C1orf56: variants seen among roughly 807,000 people sequenced by gnomAD.
C1orf56 encodes chromosome 1 open reading frame 56, also known as protein MENT.
C1orf56 carries 14 observed loss-of-function variants against 20.7 expected under a neutral mutation model. That is an observed-to-expected ratio of 0.68 (90% CI 0.45 to 1.06). The LOEUF (loss-of-function observed/expected upper bound fraction) is 1.06, where lower values mean the gene tolerates loss of function less well. Ranked by LOEUF, C1orf56 falls within the 50% of genes least tolerant of loss-of-function variation. The pLI, the probability that C1orf56 is intolerant of heterozygous loss-of-function variation, is 0.00. For missense variants in C1orf56, 424 were observed against 451.4 expected (o/e 0.94, Z 0.55); for synonymous variants, 187 against 194.7 (o/e 0.96, Z 0.33).
In C1orf56 at chr1:151,048,365, G is replaced by C. The variant is rs1228170799; in HGVS notation, c.518G>C (p.Ser173Thr). 2 of 1,613,526 alleles carry C rather than the reference G, an allele frequency of 1.2e-6. No homozygotes were observed. Among genetic ancestry groups the C allele is most frequent in the Non-Finnish European group, 1.7e-6 (2 of 1,179,968 alleles). ...EDLPGSQATLSQWSTPGSTPS... is the reference protein window; with the variant it reads ...EDLPGSQATLTQWSTPGSTPS... ...CTGCCAGGCTCGCAGGCCACCCTGA[G>C]CCAGTGGTCCACACCTGGGTCTACC... is the stretch of plus-strand genomic sequence containing the variant. Residue 173 changes from serine to threonine, a missense_variant, in exon 1 of 2, where the codon AGC (serine) becomes ACC (threonine). Physicochemically the swap from Ser to Thr is moderately conservative, Grantham distance 58 (BLOSUM62 1). Transcript: ENST00000368926. This position sits in a 1 kb window ranked among gnomAD's most constrained non-coding sequence, Gnocchi z 4.8.
chr1:151,048,266 T>C lies in C1orf56; in HGVS notation c.419T>C (p.Ile140Thr). 1 of 1,614,216 alleles carries C rather than the reference T, an allele frequency of 6.2e-7. No individual in the cohort carries two copies. Among genetic ancestry groups the C allele is most frequent in the Non-Finnish European group, 8.5e-7 (1 of 1,180,034 alleles). ...GCGGGGAGTTCCAGCACGAGGTTTA[T>C]AGCCAATAGTCAGGAGCCTGAAATC... ...NTAGSSSTRF[I>T]ANSQEPEIRL... The change falls in exon 1 of 2, where the codon ATA becomes ACA. Residue 140 changes from isoleucine (I) to threonine (T), a missense_variant. By Grantham distance (89) the Ile-to-Thr change is moderately conservative. Transcript: ENST00000368926. This position sits in a 1 kb window ranked among gnomAD's most constrained non-coding sequence, Gnocchi z 4.8.
chr1:151,050,391 G>C, intron 1 of C1orf56, 47 bp from the exon 2 acceptor site: 2 of 1,581,400 alleles, frequency 1.3e-6, no homozygotes, highest in Non-Finnish European at 8.6e-7. Flanking sequence ...AAAGAATATA[G>C]ATGTGGTTGT....
At position 151,048,990 on chromosome 1, in the gene C1orf56, AT is replaced by A; in HGVS notation, c.1005+140del. The A allele has an allele frequency of 7.7e-7, 1 of 1,292,930 alleles. No homozygotes were observed. Among genetic ancestry groups the A allele is most frequent in the East Asian group, 2.6e-5 (1 of 39,072 alleles). 80.1% of individuals were successfully genotyped at this position (1,292,930 alleles called of 1,614,324 possible). ...ACCTGGTTATTGATTCATAACATGC[AT>A]TGGTTATTCACATTGTTAGCCATTG... On this transcript the variant is annotated intron_variant, in intron 1 of 1. Coordinates refer to ENST00000368926, the MANE Select transcript of C1orf56 (RefSeq NM_017860.5). The surrounding 1 kb of genome is among the most constrained non-coding windows in gnomAD (Gnocchi z 4.8).
Position 151,048,902 on chromosome 1 carries a change from C to G in C1orf56, c.1005+50C>G, listed in dbSNP as rs1423676873. 1.3e-6 allele frequency: 2 copies of G among 1,508,786 alleles called. No homozygotes were observed. Among genetic ancestry groups the G allele is most frequent in the South Asian group, 2.7e-5 (2 of 73,914 alleles). 93.5% of individuals were successfully genotyped at this position (1,508,786 alleles called of 1,614,324 possible). ...GTCTTTGTTGACGGATCTGAAAAGTCCTGGTATCTAAAACCCAGTTGCTAA... is the reference window on the plus strand; with the variant it reads ...GTCTTTGTTGACGGATCTGAAAAGTGCTGGTATCTAAAACCCAGTTGCTAA... On this transcript the variant is annotated intron_variant, in intron 1 of 1. Transcript: ENST00000368926. This position sits in a 1 kb window ranked among gnomAD's most constrained non-coding sequence, Gnocchi z 4.8.
At position 151,048,403 on chromosome 1, in the gene C1orf56, C is replaced by A; in HGVS notation, c.556C>A (p.Pro186Thr). Residue 186 changes from proline to threonine, a missense_variant, in exon 1 of 2, where the codon CCG (proline) becomes ACG (threonine). Coordinates refer to ENST00000368926, the MANE Select transcript of C1orf56 (RefSeq NM_017860.5). The surrounding 1 kb of genome is among the most constrained non-coding windows in gnomAD (Gnocchi z 4.8). ...ACCTGGGTCTACCCCGAGCCGGTGGCCGTCACCCTCACCCACAGCCATGCC... is the reference window on the plus strand; with the variant it reads ...ACCTGGGTCTACCCCGAGCCGGTGGACGTCACCCTCACCCACAGCCATGCC... ...STPGSTPSRWPSPSPTAMPSP... is the reference protein window; with the variant it reads ...STPGSTPSRWTSPSPTAMPSP... The A allele has an allele frequency of 1.2e-6, 2 of 1,611,336 alleles. No homozygotes were observed. The highest frequency in any genetic ancestry group is 1.7e-6 in the Non-Finnish European group (2 of 1,179,960).
chr1:151,049,428 C>CT (rs1408411602), intron 1 of C1orf56, among the ~76,000 whole-genome samples: 1 of 151,716 alleles, frequency 6.6e-6, no homozygotes, highest in African/African-American at 2.4e-5. Flanking sequence ...TGGAAATTCT[C>CT]TGTTTTTTTC....
rs928692856 is a variant in C1orf56 at position 151,050,797 on chromosome 1, G to A, written c.*339G>A. On this transcript the variant is annotated 3_prime_UTR_variant, in exon 2 of 2. Transcript: ENST00000368926. The stretch of plus-strand genomic sequence containing the variant: ...CTCAAATAAACGCTAAGAAAAGGGA[G>A]TAGGAAGAACAAGGAGTTGAGCCCT... The A allele has an allele frequency of 1.8e-5, 4 of 217,066 alleles. No homozygotes were observed. Among genetic ancestry groups the A allele is most frequent in the Admixed American group, 1.1e-4 (2 of 17,878 alleles). 13.4% of individuals were successfully genotyped at this position (217,066 alleles called of 1,614,324 possible).
Position 151,048,234 on chromosome 1 carries a change from C to T in C1orf56, c.387C>T (p.Pro129=). The change falls in exon 1 of 2, where the codon CCC becomes CCT. Residue 129 remains proline, a synonymous_variant. Coordinates refer to ENST00000368926, the MANE Select transcript of C1orf56 (RefSeq NM_017860.5). The surrounding 1 kb of genome is among the most constrained non-coding windows in gnomAD (Gnocchi z 4.8). ...GCAGAGAGCTTCCCAGTGCGACTCC[C>T]AATACAGCGGGGAGTTCCAGCACGA... ...STSRELPSAT[P]NTAGSSSTRF... 1 of 1,614,218 alleles carries T rather than the reference C, an allele frequency of 6.2e-7. No homozygotes were observed. Among genetic ancestry groups the T allele is most frequent in the Non-Finnish European group, 8.5e-7 (1 of 1,180,042 alleles).
Position 151,048,206 on chromosome 1 carries a change from C to G in C1orf56, c.359C>G (p.Thr120Ser). ...GVVINAGKDS[T>S]SRELPSATPN... The stretch of plus-strand genomic sequence containing the variant: ...GTGATTAATGCCGGAAAGGATAGCA[C>G]CAGCAGAGAGCTTCCCAGTGCGACT... The change falls in exon 1 of 2, where the codon ACC becomes AGC. Residue 120 changes from threonine to serine, a missense_variant. Transcript: ENST00000368926. This position sits in a 1 kb window ranked among gnomAD's most constrained non-coding sequence, Gnocchi z 4.8. 1.9e-6 allele frequency: 3 copies of G among 1,614,230 alleles called. No individual in the cohort carries two copies. Among genetic ancestry groups the G allele is most frequent in the Non-Finnish European group, 1.7e-6 (2 of 1,180,048 alleles).
rs1676105738 is a variant in C1orf56 at position 151,048,421 on chromosome 1, G to A, written c.574G>A (p.Ala192Thr). The A allele has an allele frequency of 1.2e-6, 2 of 1,610,138 alleles. No individual in the cohort carries two copies. Among genetic ancestry groups the A allele is most frequent in the Non-Finnish European group, 1.7e-6 (2 of 1,179,986 alleles). Residue 192 changes from alanine to threonine, a missense_variant, in exon 1 of 2, where the codon GCC (alanine) becomes ACC (threonine). Coordinates refer to ENST00000368926, the MANE Select transcript of C1orf56 (RefSeq NM_017860.5). This position sits in a 1 kb window ranked among gnomAD's most constrained non-coding sequence, Gnocchi z 4.8. ...PSRWPSPSPT[A>T]MPSPEDLRLV... ...CCGGTGGCCGTCACCCTCACCCACA[G>A]CCATGCCATCTCCTGAGGATCTGCG...
chr1:151,048,383 G>A lies in C1orf56; in HGVS notation c.536G>A (p.Gly179Glu), dbSNP rs1475469973. The A allele has an allele frequency of 6.2e-7, 1 of 1,612,708 alleles. No homozygotes were observed. Among genetic ancestry groups the A allele is most frequent in the Non-Finnish European group, 8.5e-7 (1 of 1,179,940 alleles). ...ACCCTGAGCCAGTGGTCCACACCTG[G>A]GTCTACCCCGAGCCGGTGGCCGTCA... ...QATLSQWSTP[G>E]STPSRWPSPS... is the part of the protein sequence containing the mutation. The change falls in exon 1 of 2, where the codon GGG (glycine) becomes GAG (glutamate). Residue 179 changes from glycine (G) to glutamate (E), a missense_variant. Gly to Glu is a moderately conservative substitution (Grantham distance 98). Transcript: ENST00000368926. The surrounding 1 kb of genome is among the most constrained non-coding windows in gnomAD (Gnocchi z 4.8).
At position 151,050,429 on chromosome 1, in the gene C1orf56, C is replaced by CT; in HGVS notation, c.1006-7dup. The CT allele has an allele frequency of 1.3e-6, 2 of 1,597,548 alleles. No homozygotes were observed. The highest frequency in any genetic ancestry group is 1.7e-6 in the Non-Finnish European group (2 of 1,174,196). The stretch of plus-strand genomic sequence containing the variant: ...TTTCCCTTTTTCTCTATTTTTTTTT[C>CT]TTACGCAGATAGACAGAAACCAGAG... On this transcript the variant is annotated splice_polypyrimidine_tract_variant and intron_variant, in intron 1 of 1. Transcript: ENST00000368926.
chr1:151,050,413 T>C (rs747945448), intron 1 of C1orf56, 25 bp from the exon 2 acceptor site: 1 of 1,601,064 alleles, frequency 6.2e-7, no homozygotes, highest in Non-Finnish European at 8.5e-7. Flanking sequence ...ATTTCCCTTT[T>C]TCTCTATTTT....
intron 1 of C1orf56, among the ~76,000 whole-genome samples, chr1:151,050,050 C>T (rs904538561): frequency 6.6e-6 from 1 of 152,216 alleles, no homozygotes; most frequent in Admixed American, 6.5e-5. Flanking sequence ...GGCAGAGCCA[C>T]GAGATTTAAA....
rs587766764 is a variant in C1orf56 at position 151,048,619 on chromosome 1, C to T, written c.772C>T (p.Leu258Phe). ...CTYQQCPCNR[L>F]REECPLDTSL... is the part of the protein sequence containing the mutation. Reference sequence around the variant, plus strand: ...CTATCAACAATGTCCCTGCAACCGACTTCGGGAAGAGTGCCCCCTGGACAC... The same window carrying T: ...CTATCAACAATGTCCCTGCAACCGATTTCGGGAAGAGTGCCCCCTGGACAC... The change falls in exon 1 of 2, where the codon CTT becomes TTT. Residue 258 changes from leucine to phenylalanine, a missense_variant. Coordinates refer to ENST00000368926, the MANE Select transcript of C1orf56 (RefSeq NM_017860.5). The surrounding 1 kb of genome is among the most constrained non-coding windows in gnomAD (Gnocchi z 4.8). The T allele has an allele frequency of 1.9e-5, 31 of 1,614,254 alleles. No homozygotes were observed. The South Asian group carries it at 3.2e-4, about 17-fold the overall frequency.
chr1:151,047,852 T>G lies in C1orf56; in HGVS notation c.5T>G (p.Val2Gly). MVPAAGALLWVL... is the reference protein window; with the variant it reads MGPAAGALLWVL... ...CAACCCCAAGAGCCCAGCCCCATGG[T>G]CCCCGCCGCCGGCGCGCTGCTGTGG... is the stretch of plus-strand genomic sequence containing the variant. The change falls in exon 1 of 2, where the codon GTC (valine) becomes GGC (glycine). Residue 2 changes from valine (V) to glycine (G), a missense_variant. Transcript: ENST00000368926. 1 of 1,574,130 alleles carries G rather than the reference T, an allele frequency of 6.4e-7. No homozygotes were observed. The highest frequency in any genetic ancestry group is 8.6e-7 in the Non-Finnish European group (1 of 1,162,492).
Position 151,048,806 on chromosome 1 carries a change from A to G in C1orf56, c.959A>G (p.Glu320Gly). ...TGGAAACGGGTCAGGATTGGCCTGG[A>G]GGATATTTGGAATAGCCTCTCTTCA... ...AFWKRVRIGL[E>G]DIWNSLSSVF... Residue 320 changes from glutamate (E) to glycine (G), a missense_variant, in exon 1 of 2, where the codon GAG (glutamate) becomes GGG (glycine). Transcript: ENST00000368926. The surrounding 1 kb of genome is among the most constrained non-coding windows in gnomAD (Gnocchi z 4.8). 6.2e-7 allele frequency: 1 copy of G among 1,601,378 alleles called. No individual in the cohort carries two copies. Among genetic ancestry groups the G allele is most frequent in the Non-Finnish European group, 8.5e-7 (1 of 1,174,746 alleles).
Position 151,048,517 on chromosome 1 carries a change from G to A in C1orf56, c.670G>A (p.Gly224Arg), listed in dbSNP as rs372767152. ...KSGTMSRSRS[G>R]KLHGLSGRLR... ...GGGCACCATGAGCCGGAGCCGGTCT[G>A]GGAAGCTGCACGGCCTTTCCGGGCG... The change falls in exon 1 of 2, where the codon GGG (glycine) becomes AGG (arginine). Residue 224 changes from glycine to arginine, a missense_variant. Transcript: ENST00000368926. The surrounding 1 kb of genome is among the most constrained non-coding windows in gnomAD (Gnocchi z 4.8). 4.3e-6 allele frequency: 7 copies of A among 1,612,106 alleles called. No individual in the cohort carries two copies. In the African/African-American group the frequency reaches 9.3e-5, roughly 22 times the overall value.
chr1:151,047,855 C>T lies in C1orf56; in HGVS notation c.8C>T (p.Pro3Leu). The T allele has an allele frequency of 1.9e-6, 3 of 1,576,822 alleles. No individual in the cohort carries two copies. Among genetic ancestry groups the T allele is most frequent in the Non-Finnish European group, 2.6e-6 (3 of 1,163,584 alleles). The change falls in exon 1 of 2, where the codon CCC (proline) becomes CTC (leucine). Residue 3 changes from proline to leucine, a missense_variant. Transcript: ENST00000368926. ...CCCCAAGAGCCCAGCCCCATGGTCC[C>T]CGCCGCCGGCGCGCTGCTGTGGGTC... MV[P>L]AAGALLWVLL...
Sources: allele counts gnomAD v4.1 joint callset (sites outside exome capture counted in the v4.1 genomes callset), GRCh38; gene constraint gnomAD v4.1.1; non-coding constraint Gnocchi (gnomAD v3.1); transcripts MANE v1.5; gene names NCBI Gene and HGNC (gene_info 2026-07-23, HGNC 2026-07-21).